Variants in FANCC observed in about 807,000 individuals in gnomAD.
The protein encoded by FANCC is Fanconi anemia group C protein.
A neutral mutation model predicts 71.3 loss-of-function variants in FANCC; 55 were observed. The ratio of observed to expected loss-of-function variants is 0.77; its 90% CI spans 0.62 to 0.97. The LOEUF (loss-of-function observed/expected upper bound fraction) is 0.97, where lower values mean the gene tolerates loss of function less well. Among genes scored for constraint, FANCC ranks in the 50% least tolerant of loss-of-function variants. The probability of loss-of-function intolerance (pLI) is 0.00; values close to 1 mark genes in which losing one functional copy is unlikely to be tolerated. For missense variants in FANCC, 678 were observed against 670.9 expected (o/e 1.01, Z -0.12); for synonymous variants, 275 against 244.9 (o/e 1.12, Z -1.15).
chr9:95,102,069 A>T (rs1426458976), intron 14 of FANCC, among the ~76,000 whole-genome samples: 1 of 152,182 alleles, frequency 6.6e-6, no homozygotes, highest in Non-Finnish European at 1.5e-5. Context: ...CCATTTCCTA[A>T]CGAGCCTCCT....
intron 4 of FANCC, among the ~76,000 whole-genome samples, chr9:95,174,813 G>A (rs1825908108): frequency 6.6e-6 from 1 of 152,024 alleles, no homozygotes; most frequent in African/African-American, 2.4e-5. Context: ...CCTCAGTGAT[G>A]GGCAGGCAGG....
chr9:95,288,821 T>A (rs1016371760), intron 1 of FANCC, among the ~76,000 whole-genome samples: 4 of 151,776 alleles, frequency 2.6e-5, no homozygotes, highest in Non-Finnish European at 5.9e-5. Flanking sequence ...CAGACCAGGC[T>A]TGGTAGTGCA....
Position 95,101,182 on chromosome 9 carries a change from A to T in FANCC, c.*525T>A, listed in dbSNP as rs931364299. 1 of 251,392 alleles carries T rather than the reference A, an allele frequency of 4.0e-6. No individual in the cohort carries two copies. The highest frequency in any genetic ancestry group is 7.8e-6 in the Non-Finnish European group (1 of 127,798). The allele number at this position is 251,392 out of a possible 1,614,324, so 15.6% of individuals were successfully genotyped here. A position where few individuals can be genotyped will look rare whatever the true frequency, so the allele number is the denominator to read the frequency against. ...TGGCCTGTCAGGCAGGTCCAGGGAG[A>T]CACAAGGGAAGCCTGAGGGACCCTG... On this transcript the variant is annotated 3_prime_UTR_variant, in exon 15 of 15. Transcript: ENST00000289081.
intron 4 of FANCC, among the ~76,000 whole-genome samples, chr9:95,199,602 T>C (rs1827681531): frequency 6.6e-6 from 1 of 152,184 alleles, no homozygotes; most frequent in African/African-American, 2.4e-5. Flanking sequence ...AGCACCACTG[T>C]GTGCCCAGCA....
intron 4 of FANCC, among the ~76,000 whole-genome samples, chr9:95,228,409 T>C (rs1304740628): frequency 6.6e-6 from 1 of 152,216 alleles, no homozygotes; most frequent in African/African-American, 2.4e-5. Context: ...TTGGCCATGG[T>C]CAACTTTGTC....
chr9:95,256,610 T>C (rs1197434186), intron 1 of FANCC, among the ~76,000 whole-genome samples: 1 of 152,192 alleles, frequency 6.6e-6, no homozygotes, highest in Non-Finnish European at 1.5e-5. Flanking sequence ...CTATCGACTC[T>C]GTGAAGAAAC....
intron 1 of FANCC, chr9:95,293,204 T>C (rs1266305883): frequency 9.9e-6 from 16 of 1,612,326 alleles, no homozygotes; most frequent in Admixed American, 5.0e-5. Context: ...ATCACCGAGA[T>C]AGCCTCAAAA....
intron 4 of FANCC, among the ~76,000 whole-genome samples, chr9:95,206,937 T>C (rs1321945973): frequency 6.6e-6 from 1 of 152,176 alleles, no homozygotes; most frequent in Non-Finnish European, 1.5e-5. Context: ...TCAGTCAGGA[T>C]ACCCAGCATA....
chr9:95,277,464 A>G (rs1833112863), intron 1 of FANCC, among the ~76,000 whole-genome samples: 2 of 152,238 alleles, frequency 1.3e-5, no homozygotes, highest in Non-Finnish European at 2.9e-5. Flanking sequence ...TTGAAACATC[A>G]CATTGCACCC....
intron 1 of FANCC, chr9:95,294,197 C>T (rs1834236626): frequency 6.3e-7 from 1 of 1,599,004 alleles, no homozygotes. Context: ...AATCCTGGAC[C>T]TGACACCCAG....
rs188889154 is a variant in FANCC, at chr9:95,144,451, G to A, written c.686+5472C>T. ...GCAAGGGAGTGTGGGCCTGCTTGGG[G>A]AGCCGCTGCCCTCAGCGTCCCTCTG... is the stretch of plus-strand genomic sequence containing the variant. On this transcript the variant is annotated intron_variant, in intron 7 of 14. Coordinates refer to ENST00000289081, the MANE Select transcript of FANCC (RefSeq NM_000136.3). 9.2e-5 allele frequency among the ~76,000 whole-genome samples: 14 copies of A among 152,338 alleles called. No homozygotes were observed. The East Asian group carries it at 2.7e-3, about 29-fold the overall frequency.
At chr9:95,275,133 A>G (rs1417323024) in intron 1 of FANCC, among the ~76,000 whole-genome samples, 2 of 151,632 alleles carry the variant, frequency 1.3e-5, no homozygotes, top group Non-Finnish European at 2.9e-5. Flanking sequence ...AAGAAAAATA[A>G]ATTAGCCAGG....
intron 14 of FANCC, among the ~76,000 whole-genome samples, chr9:95,106,739 A>C (rs938263524): frequency 2.0e-5 from 3 of 152,160 alleles, no homozygotes; most frequent in African/African-American, 7.2e-5. Flanking sequence ...TTCCATGAGG[A>C]GGAGGAGAGC....
rs776140246 is a variant in FANCC at position 95,135,463 on chromosome 9, G to A, written c.726C>T (p.Leu242=). Residue 242 remains leucine, a synonymous_variant, in exon 8 of 15, where the codon CTC becomes CTT. Transcript: ENST00000289081. ...ISLPMSAVVC[L]WLRHLPSLEK... is the part of the protein sequence containing the mutation. ...CAAGGCTGGGAAGGTGCCGAAGCCAGAGGCAGACTACAGCTGACATGGGGA... is the reference window on the plus strand; with the variant it reads ...CAAGGCTGGGAAGGTGCCGAAGCCAAAGGCAGACTACAGCTGACATGGGGA... The A allele has an allele frequency of 1.2e-6, 2 of 1,613,964 alleles. No homozygotes were observed. Among genetic ancestry groups the A allele is most frequent in the Admixed American group, 1.7e-5 (1 of 60,004 alleles).
At chr9:95,195,720 A>G (rs1391114909) in intron 4 of FANCC, among the ~76,000 whole-genome samples, 2 of 152,026 alleles carry the variant, frequency 1.3e-5, no homozygotes, top group Non-Finnish European at 2.9e-5. Flanking sequence ...CATCTTTACT[A>G]AGTTGAGTCT....
chr9:95,257,013 C>T (rs1454930597), intron 1 of FANCC, among the ~76,000 whole-genome samples: 1 of 152,172 alleles, frequency 6.6e-6, no homozygotes, highest in African/African-American at 2.4e-5. Context: ...GCACCCAATA[C>T]AGGAGCACCC....
chr9:95,117,345 G>C lies in FANCC; in HGVS notation c.1042C>G (p.Leu348Val). The change falls in exon 11 of 15, where the codon CTT (leucine) becomes GTT (valine). Residue 348 changes from leucine (L) to valine (V), a missense_variant. Coordinates refer to ENST00000289081, the MANE Select transcript of FANCC (RefSeq NM_000136.3). ...KTYFPYTSPS[L>V]AMVLLQDPQD... is the part of the protein sequence containing the mutation. ...GGGTCTTGCAGCAGCACCATGGCAA[G>C]AGATGGAGAAGTGTAAGGAAAGTAG... 1.2e-6 allele frequency: 2 copies of C among 1,614,130 alleles called. No individual in the cohort carries two copies. The highest frequency in any genetic ancestry group is 1.7e-6 in the Non-Finnish European group (2 of 1,180,014).
At chr9:95,278,653 A>G (rs1833187117) in intron 1 of FANCC, among the ~76,000 whole-genome samples, 1 of 152,226 alleles carries the variant, frequency 6.6e-6, no homozygotes, top group African/African-American at 2.4e-5. Context: ...TGTGCACTAC[A>G]TTAGGTGTAT....
intron 4 of FANCC, among the ~76,000 whole-genome samples, chr9:95,197,168 C>T (rs1324784707): frequency 2.0e-5 from 3 of 152,086 alleles, no homozygotes; most frequent in Non-Finnish European, 4.4e-5. Flanking sequence ...ACAATATTTC[C>T]ACACAATTTC....
Sources: allele counts gnomAD v4.1 joint callset (sites outside exome capture counted in the v4.1 genomes callset), GRCh38; gene constraint gnomAD v4.1.1; transcripts MANE v1.5; gene names NCBI Gene and HGNC (gene_info 2026-07-23, HGNC 2026-07-21).